Variants in FBN1 observed in about 807,000 individuals in gnomAD.
FBN1 encodes fibrillin-1.
A neutral mutation model predicts 365.1 loss-of-function variants in FBN1; 29 were observed. That is an observed-to-expected ratio of 0.08 (90% confidence interval 0.06 to 0.11). The LOEUF is 0.11. Ranked by LOEUF, FBN1 falls within the 10% of genes least tolerant of loss-of-function variation. The pLI is 1.00. For synonymous variants in FBN1, 1,210 were observed against 1,270.5 expected (o/e 0.95, Z 1.01); for missense variants, 2,476 against 3,703.2 (o/e 0.67, Z 8.60).
intron 2 of FBN1, among the ~76,000 whole-genome samples, chr15:48,627,690 A>T (rs1597642359): frequency 6.6e-6 from 1 of 152,318 alleles, no homozygotes; most frequent in East Asian, 1.9e-4. Context: ...GGCTGCTGGG[A>T]TATTGTCCAT....
chr15:48,619,406 C>G (rs973313474), intron 2 of FBN1, among the ~76,000 whole-genome samples: 2 of 152,042 alleles, frequency 1.3e-5, no homozygotes, highest in African/African-American at 4.8e-5. Flanking sequence ...AGATTGGTGA[C>G]TCTATTACGT....
chr15:48,454,866 C>A (rs2043227534), intron 44 of FBN1, among the ~76,000 whole-genome samples: 1 of 152,180 alleles, frequency 6.6e-6, no homozygotes, highest in African/African-American at 2.4e-5. Context: ...CCTTGGGTTA[C>A]AAGGGACCCA....
intron 60 of FBN1, among the ~76,000 whole-genome samples, chr15:48,422,361 A>G (rs1437977655): frequency 6.6e-6 from 1 of 152,244 alleles, no homozygotes; most frequent in African/African-American, 2.4e-5. Flanking sequence ...GGAATTTCAA[A>G]TAAATCATGA....
intron 47 of FBN1, 69 bp from the exon 48 acceptor site, chr15:48,445,573 C>CTTT: frequency 6.4e-7 from 1 of 1,551,522 alleles, no homozygotes; most frequent in Non-Finnish European, 8.9e-7. Flanking sequence ...ATAATCAAAA[C>CTTT]TTCTAAAAGA....
At chr15:48,483,350 C>G (rs576656830) in intron 31 of FBN1, among the ~76,000 whole-genome samples, 1 of 152,260 alleles carries the variant, frequency 6.6e-6, no homozygotes, top group Non-Finnish European at 1.5e-5. Context: ...ATGAAAAATA[C>G]ACTGTATGTG....
chr15:48,427,983 A>T, intron 57 of FBN1: 3 of 697,190 alleles, frequency 4.3e-6, no homozygotes, highest in Non-Finnish European at 5.2e-6. Context: ...GTAGGCAGAA[A>T]GACATTGGCC....
At chr15:48,571,459 C>A (rs1235980372) in intron 6 of FBN1, among the ~76,000 whole-genome samples, 1 of 151,530 alleles carries the variant, frequency 6.6e-6, no homozygotes, top group Non-Finnish European at 1.5e-5. Flanking sequence ...AGATAAATCA[C>A]GAGGAAAAGG....
In FBN1 at chr15:48,415,745, A is replaced by G; in HGVS notation, c.7842T>C (p.Ala2614=). The G allele has an allele frequency of 6.2e-7, 1 of 1,614,172 alleles. No homozygotes were observed. The highest frequency in any genetic ancestry group is 2.2e-5 in the East Asian group (1 of 44,886). The change falls in exon 64 of 66, where the codon GCT becomes GCC. Residue 2614 remains alanine, a synonymous_variant. Coordinates refer to ENST00000316623, the MANE Select transcript of FBN1 (RefSeq NM_000138.5). ...QCVDENECLS[A]HICGGASCHN... is the part of the protein sequence containing the mutation. ...GACAGGAGGCTCCTCCGCAGATGTG[A>G]GCGCTGAGGCATTCGTTTTCATCTG...
rs1209433431 is a variant in FBN1, at chr15:48,496,295, C to T, written c.2294-70G>A. 3.1e-6 allele frequency: 5 copies of T among 1,592,666 alleles called. No individual in the cohort carries two copies. In the Admixed American group the frequency reaches 6.7e-5, roughly 21 times the overall value. The stretch of plus-strand genomic sequence containing the variant: ...TGCCTGTATCTACTTTGCTCTTTTA[C>T]ATTAGATCTTTAAAGTCATAACGAC... On this transcript the variant is annotated intron_variant, in intron 19 of 65. Coordinates refer to ENST00000316623, the MANE Select transcript of FBN1 (RefSeq NM_000138.5).
At chr15:48,579,667 C>G (rs140924049) in intron 6 of FBN1, among the ~76,000 whole-genome samples, 2 of 152,284 alleles carry the variant, frequency 1.3e-5, no homozygotes, top group East Asian at 3.9e-4. Flanking sequence ...CCACATCACT[C>G]TGGAAAAGAA....
At chr15:48,516,040 G>A in intron 11 of FBN1, 143 bp downstream of exon 11, 1 of 781,756 alleles carries the variant, frequency 1.3e-6, no homozygotes, top group Non-Finnish European at 2.1e-6. Flanking sequence ...ATATGATATA[G>A]ATATAGATAA....
chr15:48,439,494 T>C (rs1044877676), intron 50 of FBN1, among the ~76,000 whole-genome samples: 13 of 152,254 alleles, frequency 8.5e-5, no homozygotes, highest in Non-Finnish European at 1.6e-4. Context: ...AAGTTCTTTG[T>C]CACATATAAT....
chr15:48,610,375 T>G (rs911249203), intron 4 of FBN1, among the ~76,000 whole-genome samples: 1 of 152,216 alleles, frequency 6.6e-6, no homozygotes, highest in African/African-American at 2.4e-5. Flanking sequence ...GAAGCATGCC[T>G]AGATTTCTTG....
At chr15:48,439,054 C>T (rs1299946255) in intron 50 of FBN1, among the ~76,000 whole-genome samples, 1 of 152,190 alleles carries the variant, frequency 6.6e-6, no homozygotes, top group East Asian at 1.9e-4. Flanking sequence ...ATCATAACCA[C>T]CTAAGCACTT....
intron 8 of FBN1, among the ~76,000 whole-genome samples, chr15:48,528,121 G>A (rs1244398583): frequency 6.6e-6 from 1 of 152,184 alleles, no homozygotes; most frequent in Non-Finnish European, 1.5e-5. Context: ...GCCAAAGATC[G>A]CATGAGGAGA....
intron 5 of FBN1, among the ~76,000 whole-genome samples, chr15:48,599,913 T>G (rs28730798): frequency 0.012 from 1,870 of 152,250 alleles, 27 homozygotes; most frequent in Admixed American, 0.015. Flanking sequence ...TGAAGGTAAA[T>G]GAGAGGAAAA....
chr15:48,520,631 T>C lies in FBN1; in HGVS notation c.1147+28A>G, dbSNP rs55699652. On this transcript the variant is annotated intron_variant, in intron 10 of 65. Transcript: ENST00000316623. ...GGCTTGTGAGGGCTGGGATGGGATA[T>C]TCTGCAGATAACTGGAAGGGCTCTT... 0.013 allele frequency: 20,644 copies of C among 1,613,280 alleles called. 1,890 individuals are homozygous for C. In the East Asian group the frequency reaches 0.26, roughly 20 times the overall value.
chr15:48,447,165 T>C (rs576774607), intron 46 of FBN1, among the ~76,000 whole-genome samples: 1 of 152,190 alleles, frequency 6.6e-6, no homozygotes, highest in Non-Finnish European at 1.5e-5. Context: ...AAAAACTCTG[T>C]GTGCATCTGG....
intron 2 of FBN1, 131 bp from the exon 3 acceptor site, chr15:48,613,223 A>T: frequency 2.8e-6 from 2 of 707,778 alleles, no homozygotes; most frequent in Non-Finnish European, 5.0e-6. Context: ...AAGCAAACTC[A>T]TGAGACTCAA....
Sources: gnomAD v4.1 joint callset for allele counts (sites outside exome capture counted in the v4.1 genomes callset) on GRCh38, gnomAD v4.1.1 for gene constraint, MANE v1.5 for transcripts, NCBI Gene and HGNC (gene_info 2026-07-23, HGNC 2026-07-21) for gene names.